The following DNAH11 variants were observed in gnomAD, a reference collection of about 807,000 sequenced individuals.
DNAH11 encodes axonemal beta dynein heavy chain 11.
Under a neutral mutation model 526.0 loss-of-function variants are expected in DNAH11, and 442 were observed. The observed-to-expected ratio is 0.84, with a 90% confidence interval of 0.78 to 0.91. The LOEUF is 0.91. DNAH11 is among the 40% of genes least tolerant of loss of function. The pLI is 0.00. For synonymous variants in DNAH11, 2,461 were observed against 1,935.9 expected, an observed-to-expected ratio of 1.27 and a Z score of -7.12; for missense variants, 6,989 against 5,448.7, an observed-to-expected ratio of 1.28 and a Z score of -8.90.
intron 65 of DNAH11, among the ~76,000 whole-genome samples, chr7:21,824,806 C>T (rs933499952): frequency 6.6e-6 from 1 of 152,120 alleles, no homozygotes; most frequent in African/African-American, 2.4e-5. Context: ...GATTTTTTCC[C>T]TCAATCATAT....
At chr7:21,745,342 C>T (rs1286621593) in intron 51 of DNAH11, among the ~76,000 whole-genome samples, 2 of 152,166 alleles carry the variant, frequency 1.3e-5, no homozygotes, top group Non-Finnish European at 2.9e-5. Flanking sequence ...TCACATAGTT[C>T]ATAAGGGACA....
chr7:21,705,299 T>G (rs192747560), intron 38 of DNAH11, among the ~76,000 whole-genome samples, 161 bp from the exon 39 acceptor site: 2 of 152,334 alleles, frequency 1.3e-5, no homozygotes, highest in African/African-American at 4.8e-5. Context: ...CAGGAAAAAC[T>G]ATACTTTTCA....
rs1859796 is a variant in DNAH11, at chr7:21,716,280, G to A, written c.6984-1495G>A. Among the ~76,000 whole-genome samples, 204 of 152,206 alleles carry A rather than the reference G, an allele frequency of 1.3e-3. 1 individual carries two copies. The highest frequency in any genetic ancestry group is 4.6e-3 in the African/African-American group (192 of 41,540). On this transcript the variant is annotated intron_variant, in intron 42 of 81. Coordinates refer to ENST00000409508, the MANE Select transcript of DNAH11 (RefSeq NM_001277115.2). ...AGGAGAAACAGAGGGAGACGGAGCC[G>A]CGATCTAAACCTGAGTTTCCGAATG...
chr7:21,643,386 G>A (rs1787207161), intron 28 of DNAH11, among the ~76,000 whole-genome samples: 1 of 152,096 alleles, frequency 6.6e-6, no homozygotes, highest in African/African-American at 2.4e-5. Flanking sequence ...AGAACAGTTT[G>A]CACATTTTCT....
rs1446334149 is a variant in DNAH11 at position 21,723,887 on chromosome 7, C to T, written c.7267-1924C>T. ...TGAACATCCAATTAAAATAGGTTGC[C>T]TCTGTTATTCTCACTTACAGCAAAC... On this transcript the variant is annotated intron_variant, in intron 44 of 81. Transcript: ENST00000409508. Among the ~76,000 whole-genome samples the T allele has an allele frequency of 2.0e-5, 3 of 152,100 alleles. No individual in the cohort carries two copies. The East Asian group carries it at 5.8e-4, about 29-fold the overall frequency.
intron 66 of DNAH11, among the ~76,000 whole-genome samples, chr7:21,844,571 T>C (rs1782342454): frequency 6.6e-6 from 1 of 152,248 alleles, no homozygotes; most frequent in African/African-American, 2.4e-5. Flanking sequence ...TATCTGGCCC[T>C]TTCCAGAAAA....
chr7:21,659,709 T>C (rs1217337472), intron 30 of DNAH11, among the ~76,000 whole-genome samples: 1 of 152,118 alleles, frequency 6.6e-6, no homozygotes, highest in Non-Finnish European at 1.5e-5. Flanking sequence ...GCACAGTTTA[T>C]AAGTGAACCT....
intron 76 of DNAH11, among the ~76,000 whole-genome samples, chr7:21,885,887 G>A (rs945346968): frequency 4.6e-5 from 7 of 152,162 alleles, no homozygotes; most frequent in African/African-American, 1.7e-4. Context: ...CCCTGTGTCT[G>A]TGTAGAAATG....
chr7:21,900,102 C>T lies in DNAH11; in HGVS notation c.13285C>T (p.His4429Tyr), dbSNP rs369456243. 1 of 1,613,360 alleles carries T rather than the reference C, an allele frequency of 6.2e-7. No individual in the cohort carries two copies. The highest frequency in any genetic ancestry group is 8.5e-7 in the Non-Finnish European group (1 of 1,179,648). Residue 4429 changes from histidine to tyrosine, a missense_variant, in exon 81 of 82, where the codon CAC becomes TAC. Coordinates refer to ENST00000409508, the MANE Select transcript of DNAH11 (RefSeq NM_001277115.2). ...CCCGCCAAGGGAAGGTGCATACCTC[C>T]ACGGACTCTTCATGGAGGGTAAGAC... ...GHPPREGAYL[H>Y]GLFMEGARWD...
At chr7:21,688,983 A>G (rs1783503194) in intron 34 of DNAH11, among the ~76,000 whole-genome samples, 1 of 152,208 alleles carries the variant, frequency 6.6e-6, no homozygotes, top group Admixed American at 6.5e-5. Context: ...TCAATGTCCC[A>G]AGGATTATCT....
Position 21,628,354 on chromosome 7 carries a change from T to A in DNAH11, c.4501-7517T>A, listed in dbSNP as rs929122174. 5.3e-5 allele frequency among the ~76,000 whole-genome samples: 8 copies of A among 152,136 alleles called. No individual in the cohort carries two copies. The East Asian group carries it at 1.5e-3, about 29-fold the overall frequency. ...TGAATACAAAGAGTGAAAATGGGTA[T>A]CTTGTCTTGTTCCAGATCTTAGAGG... On this transcript the variant is annotated intron_variant, in intron 25 of 81. Transcript: ENST00000409508.
intron 68 of DNAH11, among the ~76,000 whole-genome samples, chr7:21,861,234 T>C (rs1471278991): frequency 6.6e-6 from 1 of 152,250 alleles, no homozygotes; most frequent in Non-Finnish European, 1.5e-5. Context: ...CTAGTGACAC[T>C]GGATTTAGCT....
At chr7:21,663,216 A>G (rs62447812) in intron 30 of DNAH11, among the ~76,000 whole-genome samples, 9,956 of 152,074 alleles carry the variant, frequency 0.065, 455 homozygotes, top group Non-Finnish European at 0.1. Context: ...TTCTTTTTCC[A>G]TTCATCCGTC....
intron 74 of DNAH11, among the ~76,000 whole-genome samples, chr7:21,878,744 G>C (rs767667976): frequency 6.6e-6 from 1 of 152,108 alleles, no homozygotes; most frequent in African/African-American, 2.4e-5. Flanking sequence ...AAACTGAAAA[G>C]CTCTCTGATC....
At chr7:21,863,082 A>G (rs545765845) in intron 69 of DNAH11, among the ~76,000 whole-genome samples, 2 of 151,154 alleles carry the variant, frequency 1.3e-5, no homozygotes, top group African/African-American at 4.8e-5. Flanking sequence ...AAAAAAAAGA[A>G]AAAGAAAAGA....
chr7:21,894,696 A>G lies in DNAH11; in HGVS notation c.12824A>G (p.Asn4275Ser). Residue 4275 changes from asparagine (N) to serine (S), a missense_variant, in exon 78 of 82, where the codon AAT (asparagine) becomes AGT (serine). By Grantham distance (46) the Asn-to-Ser change is conservative. Transcript: ENST00000409508. ...EFNMAEIMQK[N>S]SNRSPYVLVC... Reference sequence around the variant, plus strand: ...AACATGGCAGAGATAATGCAAAAAAATTCAAATAGAAGCCCATATGTTCTT... The same window carrying G: ...AACATGGCAGAGATAATGCAAAAAAGTTCAAATAGAAGCCCATATGTTCTT... 6.2e-7 allele frequency: 1 copy of G among 1,614,010 alleles called. No individual in the cohort carries two copies. Among genetic ancestry groups the G allele is most frequent in the South Asian group, 1.1e-5 (1 of 91,046 alleles).
chr7:21,598,622 T>G (rs942435793), intron 14 of DNAH11, among the ~76,000 whole-genome samples: 3 of 139,938 alleles, frequency 2.1e-5, no homozygotes, highest in African/African-American at 7.8e-5. Flanking sequence ...AATAAATAAA[T>G]AAATTGTGCT....
At chr7:21,630,264 T>G (rs1346161401) in intron 25 of DNAH11, among the ~76,000 whole-genome samples, 1 of 152,174 alleles carries the variant, frequency 6.6e-6, no homozygotes, top group Admixed American at 6.5e-5. Flanking sequence ...TATTTTTATA[T>G]TGTCTATCTC....
intron 43 of DNAH11, among the ~76,000 whole-genome samples, chr7:21,719,445 C>T (rs1784791034): frequency 6.6e-6 from 1 of 152,136 alleles, no homozygotes; most frequent in African/African-American, 2.4e-5. Context: ...ATAGAAGAAA[C>T]ACATGGCCGT....
Sources: allele counts gnomAD v4.1 joint callset (sites outside exome capture counted in the v4.1 genomes callset), GRCh38; gene constraint gnomAD v4.1.1; transcripts MANE v1.5; gene names NCBI Gene and HGNC (gene_info 2026-07-23, HGNC 2026-07-21).